The following SLC22A9 variants were observed in gnomAD, a reference collection of about 807,000 sequenced individuals.
SLC22A9 encodes the protein solute carrier family 22 member 9.
SLC22A9 carries 64 observed loss-of-function variants against 50.1 expected under a neutral mutation model. That is an observed-to-expected ratio of 1.28 (90% CI 1.04 to 1.57). The LOEUF (loss-of-function observed/expected upper bound fraction) is 1.57, where lower values mean the gene tolerates loss of function less well. SLC22A9 is among the 40% of genes most tolerant of loss of function. The pLI is 0.00. For synonymous variants in SLC22A9, 261 were observed against 242.5 expected (o/e 1.08, Z -0.71); for missense variants, 757 against 676.1 (o/e 1.12, Z -1.33).
chr11:63,394,225 G>A (rs536168533), intron 6 of SLC22A9, among the ~76,000 whole-genome samples: 17 of 152,066 alleles, frequency 1.1e-4, no homozygotes, highest in Non-Finnish European at 2.2e-4. Flanking sequence ...AGCTTGAGAT[G>A]TGAGGTATCA....
intron 6 of SLC22A9, among the ~76,000 whole-genome samples, chr11:63,405,181 A>G (rs2015016300): frequency 6.6e-6 from 1 of 152,176 alleles, no homozygotes. Context: ...TTATATAAAG[A>G]AATCAGGTGT....
rs2014317462 is a variant in SLC22A9 at position 63,369,891 on chromosome 11, G to C, written c.-166G>C. On this transcript the variant is annotated 5_prime_UTR_variant, in exon 1 of 10. Coordinates refer to ENST00000279178, the MANE Select transcript of SLC22A9 (RefSeq NM_080866.3). ...GACCCCAAAACGACTTGAGGAAACT[G>C]TTTCCACGGTCCTGCTGCAGAGGGG... 4.7e-6 allele frequency: 3 copies of C among 636,058 alleles called. No individual in the cohort carries two copies. In the East Asian group the frequency reaches 8.9e-5, roughly 19 times the overall value. 39.4% of individuals were successfully genotyped at this position (636,058 alleles called of 1,614,324 possible).
At chr11:63,407,604 A>G (rs1055627840) in intron 7 of SLC22A9, among the ~76,000 whole-genome samples, 9 of 152,136 alleles carry the variant, frequency 5.9e-5, no homozygotes, top group African/African-American at 2.2e-4. Context: ...CCTAATCCTT[A>G]AAACATTAAT....
intron 6 of SLC22A9, among the ~76,000 whole-genome samples, chr11:63,393,617 G>A (rs757939362): frequency 1.3e-5 from 2 of 152,076 alleles, no homozygotes; most frequent in Non-Finnish European, 2.9e-5. Flanking sequence ...CAGTTTTGCT[G>A]AGAGTTTTAA....
intron 6 of SLC22A9, among the ~76,000 whole-genome samples, chr11:63,402,258 C>T (rs900644050): frequency 2.6e-5 from 4 of 151,994 alleles, no homozygotes; most frequent in Non-Finnish European, 5.9e-5. Flanking sequence ...TACATTCAAG[C>T]CTTTCATCCA....
intron 5 of SLC22A9, among the ~76,000 whole-genome samples, chr11:63,379,055 T>C (rs376835586): frequency 6.6e-6 from 1 of 152,014 alleles, no homozygotes; most frequent in South Asian, 2.1e-4. Flanking sequence ...AGAGTTTGAA[T>C]AACCAAAGCA....
chr11:63,395,790 G>T (rs2014844106), intron 6 of SLC22A9, among the ~76,000 whole-genome samples: 1 of 152,120 alleles, frequency 6.6e-6, no homozygotes, highest in South Asian at 2.1e-4. Context: ...TATGCCTTTT[G>T]TCTTCAGAAG....
At position 63,381,241 on chromosome 11, in the gene SLC22A9, A is replaced by G. The variant is rs75545498; in HGVS notation, c.955-918A>G. Among the ~76,000 whole-genome samples the G allele has an allele frequency of 3.1e-3, 476 of 152,244 alleles. 3 individuals are homozygous for G. Among genetic ancestry groups the G allele is most frequent in the African/African-American group, 0.01 (436 of 41,560 alleles). ...GGTCTGGGAGTCCAGTAAATAACAT[A>G]CATCTCCTCTGCCCAGATCACATAT... On this transcript the variant is annotated intron_variant, in intron 5 of 9. Transcript: ENST00000279178.
At chr11:63,396,981 G>T (rs181706325) in intron 6 of SLC22A9, among the ~76,000 whole-genome samples, 6 of 152,270 alleles carry the variant, frequency 3.9e-5, no homozygotes, top group Admixed American at 3.9e-4. Context: ...AGTCTTCACA[G>T]TCTGAGTTTG....
intron 6 of SLC22A9, among the ~76,000 whole-genome samples, chr11:63,387,646 G>A (rs1279929122): frequency 1.3e-5 from 2 of 151,940 alleles, no homozygotes; most frequent in Non-Finnish European, 2.9e-5. Context: ...GTCTTTTTTG[G>A]TTCCACTTAA....
At chr11:63,370,575 G>C in intron 1 of SLC22A9, 117 bp downstream of exon 1, 7 of 1,198,546 alleles carry the variant, frequency 5.8e-6, no homozygotes, top group Non-Finnish European at 7.9e-6. Context: ...CATTCTTTCA[G>C]CAAATACTAA....
At position 63,371,273 on chromosome 11, in the gene SLC22A9, CA is replaced by C. The variant is rs750323867; in HGVS notation, c.506+36del. Reference sequence around the variant, plus strand: ...TATGGAACACAGCTCTCTTTAAGGGCATTTTTTATCAACTTATGAAACATTA... The same window carrying C: ...TATGGAACACAGCTCTCTTTAAGGGCTTTTTTATCAACTTATGAAACATTA... On this transcript the variant is annotated intron_variant, in intron 2 of 9. Coordinates refer to ENST00000279178, the MANE Select transcript of SLC22A9 (RefSeq NM_080866.3). 5 of 1,430,684 alleles carry C rather than the reference CA, an allele frequency of 3.5e-6. No individual in the cohort carries two copies. In the African/African-American group the frequency reaches 7.1e-5, roughly 20 times the overall value. The allele number at this position is 1,430,684 out of a possible 1,614,324, so 88.6% of individuals were successfully genotyped here.
intron 6 of SLC22A9, among the ~76,000 whole-genome samples, chr11:63,390,335 C>A (rs2014741730): frequency 6.6e-6 from 1 of 152,092 alleles, no homozygotes; most frequent in Non-Finnish European, 1.5e-5. Flanking sequence ...TTTTATCCAT[C>A]TTGAGTTAAT....
At chr11:63,378,619 C>T (rs2014505974) in intron 5 of SLC22A9, among the ~76,000 whole-genome samples, 1 of 152,088 alleles carries the variant, frequency 6.6e-6, no homozygotes, top group Non-Finnish European at 1.5e-5. Flanking sequence ...ACATACAAAT[C>T]CCTGTAGTTG....
intron 9 of SLC22A9, 31 bp from the exon 10 acceptor site, chr11:63,409,771 T>C: frequency 2.0e-6 from 3 of 1,521,924 alleles, no homozygotes; most frequent in Non-Finnish European, 1.7e-6. Context: ...ATTTTTGTGA[T>C]TTTTTGTTGG....
In SLC22A9 at chr11:63,408,240, C is replaced by T. The variant is rs1473596886; in HGVS notation, c.1397+20C>T. On this transcript the variant is annotated intron_variant, in intron 8 of 9. Coordinates refer to ENST00000279178, the MANE Select transcript of SLC22A9 (RefSeq NM_080866.3). Reference sequence around the variant, plus strand: ...AATCAGGTACAGAACCTTAAGTATGCCCTGTCAGGTTCAAAATGGACCTTT... The same window carrying T: ...AATCAGGTACAGAACCTTAAGTATGTCCTGTCAGGTTCAAAATGGACCTTT... The T allele has an allele frequency of 1.1e-5, 18 of 1,581,216 alleles. No individual in the cohort carries two copies. Among genetic ancestry groups the T allele is most frequent in the Non-Finnish European group, 1.5e-5 (17 of 1,150,872 alleles).
rs1424711902 is a variant in SLC22A9 at position 63,389,885 on chromosome 11, G to A, written c.1073+7608G>A. 5.9e-5 allele frequency among the ~76,000 whole-genome samples: 9 copies of A among 152,180 alleles called. No individual in the cohort carries two copies. In the South Asian group the frequency reaches 8.3e-4, roughly 14 times the overall value. On this transcript the variant is annotated intron_variant, in intron 6 of 9. Transcript: ENST00000279178. ...TAATGATCACCATTCTAACTGGCAT[G>A]AGATGGTATCTCATTGTGGTTTTGA...
intron 6 of SLC22A9, among the ~76,000 whole-genome samples, chr11:63,394,744 G>C (rs1267614325): frequency 1.3e-5 from 2 of 152,048 alleles, no homozygotes; most frequent in East Asian, 3.9e-4. Context: ...GGAGTTCTTT[G>C]TGCTTCTTAT....
At position 63,372,393 on chromosome 11, in the gene SLC22A9, G is replaced by A. The variant is rs372605273; in HGVS notation, c.506+1155G>A. Among the ~76,000 whole-genome samples the A allele has an allele frequency of 2.1e-3, 321 of 152,174 alleles. 7 individuals are homozygous for A. In the South Asian group the frequency reaches 0.065, roughly 31 times the overall value. ...GATATTCACATAATGAATTTTTACAGCAAAGGGAATGAATAAAGTACTGTC... is the reference window on the plus strand; with the variant it reads ...GATATTCACATAATGAATTTTTACAACAAAGGGAATGAATAAAGTACTGTC... On this transcript the variant is annotated intron_variant, in intron 2 of 9. Transcript: ENST00000279178.
Sources: allele counts gnomAD v4.1 joint callset (sites outside exome capture counted in the v4.1 genomes callset), GRCh38; gene constraint gnomAD v4.1.1; transcripts MANE v1.5; gene names NCBI Gene and HGNC (gene_info 2026-07-23, HGNC 2026-07-21).